Variants in ZCWPW1 observed in about 807,000 individuals in gnomAD.
ZCWPW1 encodes zinc finger CW-type PWWP domain protein 1.
ZCWPW1 carries 56 observed loss-of-function variants against 81.3 expected under a neutral mutation model. The ratio of observed to expected loss-of-function variants is 0.69; its 90% CI spans 0.56 to 0.86. The LOEUF (loss-of-function observed/expected upper bound fraction) is 0.86, where lower values mean the gene tolerates loss of function less well. ZCWPW1 is among the 40% of genes least tolerant of loss of function. The pLI is 0.00. For missense variants in ZCWPW1, 650 were observed against 769.8 expected (o/e 0.84, Z 1.84); for synonymous variants, 250 against 273.7 (o/e 0.91, Z 0.86).
At chr7:100,418,321 G>A (rs1050352184) in intron 5 of ZCWPW1, among the ~76,000 whole-genome samples, 1 of 152,266 alleles carries the variant, frequency 6.6e-6, no homozygotes, top group Non-Finnish European at 1.5e-5. Flanking sequence ...ATTTGAAGTT[G>A]TTTGTAAATA....
In ZCWPW1 at chr7:100,414,817, G is replaced by C. The variant is rs1584266498; in HGVS notation, c.754+1158C>G. ...CGAAGCGGGCAGATCACAAGGTCAA[G>C]AGATCGAGACTATCCTGGCCAACAT... On this transcript the variant is annotated intron_variant, in intron 8 of 17. Transcript: ENST00000684423. Among the ~76,000 whole-genome samples, 4 of 152,190 alleles carry C rather than the reference G, an allele frequency of 2.6e-5. 1 individual carries two copies. The highest frequency in any genetic ancestry group is 9.6e-5 in the African/African-American group (4 of 41,518).
intron 13 of ZCWPW1, among the ~76,000 whole-genome samples, chr7:100,404,537 T>A (rs1792582886): frequency 6.6e-6 from 1 of 152,046 alleles, no homozygotes; most frequent in Admixed American, 6.6e-5. Flanking sequence ...ATTTTGTATT[T>A]TTTGCAGAGA....
At chr7:100,404,566 C>A (rs1792589459) in intron 13 of ZCWPW1, among the ~76,000 whole-genome samples, 1 of 152,014 alleles carries the variant, frequency 6.6e-6, no homozygotes, top group Non-Finnish European at 1.5e-5. Context: ...TGCCGTGTTG[C>A]CTAGGCTGGT....
intron 17 of ZCWPW1, among the ~76,000 whole-genome samples, 158 bp downstream of exon 17, chr7:100,401,731 G>A (rs1167948726): frequency 1.3e-5 from 2 of 152,194 alleles, no homozygotes; most frequent in Non-Finnish European, 2.9e-5. Context: ...TGTTTCTATA[G>A]TGTGTGCTGG....
chr7:100,417,626 G>A (rs1208714775), intron 5 of ZCWPW1, among the ~76,000 whole-genome samples: 1 of 151,830 alleles, frequency 6.6e-6, no homozygotes, highest in African/African-American at 2.4e-5. Context: ...GCTGAGGCAG[G>A]AGAATTTCTT....
chr7:100,417,736 T>G (rs887003939), intron 5 of ZCWPW1, among the ~76,000 whole-genome samples: 2 of 151,814 alleles, frequency 1.3e-5, no homozygotes, highest in African/African-American at 4.8e-5. Context: ...AAAAATTATA[T>G]GTACTGTATT....
At chr7:100,423,644 T>C (rs377205923) in intron 2 of ZCWPW1, among the ~76,000 whole-genome samples, 3 of 152,210 alleles carry the variant, frequency 2.0e-5, no homozygotes, top group Admixed American at 6.5e-5. Flanking sequence ...TTTCTTGCTG[T>C]TTCCATTTTA....
chr7:100,428,659 C>CA lies in ZCWPW1; in HGVS notation c.-229dup, dbSNP rs1054536676. ...CCGCTGGCAGGGAGACCGGGCGGCG[C>CA]ATCTCCCCGGGAAAACGGCGTAGAC... On this transcript the variant is annotated 5_prime_UTR_variant, in exon 1 of 18. The change abolishes an upstream ATG in the 5' untranslated region. Coordinates refer to ENST00000684423, the MANE Select transcript of ZCWPW1 (RefSeq NM_001386010.1). The CA allele has an allele frequency of 6.6e-6, 1 of 152,352 alleles. No individual in the cohort carries two copies. The highest frequency in any genetic ancestry group is 2.4e-5 in the African/African-American group (1 of 41,462). 9.4% of individuals were successfully genotyped at this position (152,352 alleles called of 1,614,324 possible).
intron 8 of ZCWPW1, among the ~76,000 whole-genome samples, chr7:100,414,221 G>A (rs1794744620): frequency 6.6e-6 from 1 of 152,142 alleles, no homozygotes; most frequent in Admixed American, 6.5e-5. Context: ...TAGTCTTGGA[G>A]TTTTCTTCCA....
chr7:100,404,325 A>T, intron 13 of ZCWPW1, 81 bp from the exon 14 acceptor site: 2 of 1,269,356 alleles, frequency 1.6e-6, no homozygotes, highest in Non-Finnish European at 2.3e-6. Context: ...GAATTTAGTT[A>T]TGATGAAATT....
chr7:100,424,660 C>A (rs1174489602), intron 2 of ZCWPW1, among the ~76,000 whole-genome samples: 1 of 151,984 alleles, frequency 6.6e-6, no homozygotes, highest in East Asian at 1.9e-4. Flanking sequence ...CGGGGTTTCA[C>A]CATGTTGGCC....
intron 1 of ZCWPW1, among the ~76,000 whole-genome samples, chr7:100,427,586 C>T (rs1442529586): frequency 6.6e-6 from 1 of 151,816 alleles, no homozygotes; most frequent in East Asian, 1.9e-4. Context: ...GTAGTCCCAG[C>T]TCCTCGGGAG....
intron 3 of ZCWPW1, 107 bp from the exon 4 acceptor site, chr7:100,419,990 T>C: frequency 1.1e-6 from 1 of 944,898 alleles, no homozygotes; most frequent in Non-Finnish European, 1.6e-6. Context: ...AGAGAGCTTT[T>C]AACAAATTCA....
chr7:100,421,858 A>G (rs1796415769), intron 2 of ZCWPW1, among the ~76,000 whole-genome samples: 1 of 151,896 alleles, frequency 6.6e-6, no homozygotes, highest in Non-Finnish European at 1.5e-5. Context: ...ACCGCCGACT[A>G]ATTTTGTATT....
intron 10 of ZCWPW1, among the ~76,000 whole-genome samples, chr7:100,407,869 A>C (rs1317804397): frequency 6.6e-6 from 1 of 152,190 alleles, no homozygotes; most frequent in African/African-American, 2.4e-5. Context: ...TCCTAAGAAC[A>C]AAATCTTCGA....
chr7:100,402,139 C>T (rs1792051092), intron 16 of ZCWPW1, 98 bp from the exon 17 acceptor site: 1 of 1,457,762 alleles, frequency 6.9e-7, no homozygotes, highest in Non-Finnish European at 9.2e-7. Flanking sequence ...CCCACATCTT[C>T]TGCTCAGTTG....
intron 17 of ZCWPW1, 41 bp downstream of exon 17, chr7:100,401,848 C>T (rs762455990): frequency 3.9e-6 from 6 of 1,556,168 alleles, no homozygotes; most frequent in African/African-American, 1.4e-5. Context: ...TGCTGACAGG[C>T]ACCTCATTCC....
chr7:100,422,026 GT>G (rs1198470247), intron 2 of ZCWPW1, among the ~76,000 whole-genome samples: 1 of 152,180 alleles, frequency 6.6e-6, no homozygotes, highest in Non-Finnish European at 1.5e-5. Context: ...TAATGACACT[GT>G]GACTAATGGT....
intron 3 of ZCWPW1, 128 bp downstream of exon 3, chr7:100,420,494 C>G (rs562330661): frequency 9.9e-7 from 1 of 1,014,690 alleles, no homozygotes; most frequent in South Asian, 1.4e-5. Context: ...AAGCATCTAG[C>G]AGAGCAGTAA....
Sources: allele counts gnomAD v4.1 joint callset (sites outside exome capture counted in the v4.1 genomes callset), GRCh38; gene constraint gnomAD v4.1.1; transcripts MANE v1.5; gene names NCBI Gene and HGNC (gene_info 2026-07-23, HGNC 2026-07-21).